Variants in CTNND2 observed in about 807,000 individuals in gnomAD.
The protein encoded by CTNND2 is catenin delta-2.
In CTNND2, 22 loss-of-function variants were observed where a neutral mutation model predicts 144.4. The observed-to-expected ratio is 0.15, with a 90% CI of 0.11 to 0.22. CTNND2 has a LOEUF of 0.22. Ranked by LOEUF, CTNND2 falls within the 10% of genes least tolerant of loss-of-function variation. The probability of loss-of-function intolerance (pLI) is 1.00; values close to 1 mark genes in which losing one functional copy is unlikely to be tolerated. For missense variants in CTNND2, 1,353 were observed against 1,618.8 expected (o/e 0.84, Z 2.82); for synonymous variants, 751 against 695.6 (o/e 1.08, Z -1.25).
chr5:11,345,549 A>G (rs968880187), intron 9 of CTNND2, among the ~76,000 whole-genome samples: 1 of 152,186 alleles, frequency 6.6e-6, no homozygotes, highest in Non-Finnish European at 1.5e-5. Context: ...ATTCCTTGAG[A>G]TGAATTTTAA....
chr5:11,392,919 T>C (rs1759758606), intron 6 of CTNND2, among the ~76,000 whole-genome samples: 1 of 152,184 alleles, frequency 6.6e-6, no homozygotes, highest in South Asian at 2.1e-4. Flanking sequence ...ATACTAGCTG[T>C]CTTTACCACC....
intron 2 of CTNND2, among the ~76,000 whole-genome samples, chr5:11,615,404 C>T (rs992396591): frequency 6.6e-6 from 1 of 152,102 alleles, no homozygotes; most frequent in Non-Finnish European, 1.5e-5. Context: ...TGAATTTATA[C>T]TTAAAAAATT....
intron 1 of CTNND2, among the ~76,000 whole-genome samples, chr5:11,770,816 G>A (rs1426252168): frequency 6.6e-6 from 1 of 152,134 alleles, no homozygotes; most frequent in Non-Finnish European, 1.5e-5. Flanking sequence ...ATGTGTGTGA[G>A]AGAGAGACAC....
At chr5:11,279,792 C>T (rs1158890258) in intron 9 of CTNND2, among the ~76,000 whole-genome samples, 1 of 152,112 alleles carries the variant, frequency 6.6e-6, no homozygotes, top group African/African-American at 2.4e-5. Context: ...GCAGACACAT[C>T]ACATGGTGAA....
chr5:11,768,603 C>T (rs182005932), intron 1 of CTNND2, among the ~76,000 whole-genome samples: 16 of 152,232 alleles, frequency 1.1e-4, no homozygotes, highest in Admixed American at 2.0e-4. Flanking sequence ...TATTAAATAG[C>T]CAAAACATCT....
At chr5:11,022,671 C>T (rs1742387296) in intron 17 of CTNND2, 98 bp downstream of exon 17, 2 of 873,290 alleles carry the variant, frequency 2.3e-6, no homozygotes, top group Middle Eastern at 3.4e-4. Context: ...CAAATGCTTT[C>T]CAGTGACAGT....
At chr5:11,365,554 T>C (rs1393913687) in intron 7 of CTNND2, among the ~76,000 whole-genome samples, 1 of 152,236 alleles carries the variant, frequency 6.6e-6, no homozygotes, top group Non-Finnish European at 1.5e-5. Flanking sequence ...GTTTAATGTA[T>C]AAATTGCGGC....
At chr5:10,990,871 C>T (rs1738598598) in intron 19 of CTNND2, among the ~76,000 whole-genome samples, 1 of 152,350 alleles carries the variant, frequency 6.6e-6, no homozygotes, top group African/African-American at 2.4e-5. Flanking sequence ...AAGGCTGCTT[C>T]TCTCTTCCAG....
At chr5:11,859,866 A>T in intron 1 of CTNND2, among the ~76,000 whole-genome samples, 1 of 151,994 alleles carries the variant, frequency 6.6e-6, no homozygotes, top group East Asian at 1.9e-4. Context: ...TGTATTCAGC[A>T]CTCTTTCCTT....
At chr5:11,542,748 A>T (rs529212712) in intron 3 of CTNND2, among the ~76,000 whole-genome samples, 110 of 152,340 alleles carry the variant, frequency 7.2e-4, no homozygotes, top group South Asian at 3.3e-3. Flanking sequence ...TTGTCTGTCA[A>T]TCAAAGCCTT....
At chr5:11,061,467 T>C (rs139582177) in intron 16 of CTNND2, among the ~76,000 whole-genome samples, 146 of 152,356 alleles carry the variant, frequency 9.6e-4, no homozygotes, top group African/African-American at 3.4e-3. Flanking sequence ...GTTTTCCAGC[T>C]ACAACAACAT....
At chr5:11,219,435 G>T (rs1395716201) in intron 10 of CTNND2, among the ~76,000 whole-genome samples, 1 of 152,132 alleles carries the variant, frequency 6.6e-6, no homozygotes, top group South Asian at 2.1e-4. Context: ...TTCTTCCAAG[G>T]TATTTAGGTT....
intron 3 of CTNND2, among the ~76,000 whole-genome samples, chr5:11,458,231 A>G (rs1042261847): frequency 1.3e-5 from 2 of 152,192 alleles, no homozygotes; most frequent in African/African-American, 2.4e-5. Flanking sequence ...GCTAAAATAT[A>G]TGACTGTGGA....
intron 8 of CTNND2, among the ~76,000 whole-genome samples, chr5:11,358,662 A>T (rs937421413): frequency 6.6e-6 from 1 of 152,246 alleles, no homozygotes; most frequent in African/African-American, 2.4e-5. Flanking sequence ...AACAGTAATA[A>T]GATTTTATGA....
chr5:11,569,548 T>C (rs896771875), intron 2 of CTNND2, among the ~76,000 whole-genome samples: 1 of 152,172 alleles, frequency 6.6e-6, no homozygotes, highest in African/African-American at 2.4e-5. Flanking sequence ...TAAAAGCATG[T>C]AAAGTCTCTT....
intron 1 of CTNND2, among the ~76,000 whole-genome samples, chr5:11,899,465 T>C (rs967690810): frequency 3.3e-5 from 5 of 152,206 alleles, no homozygotes; most frequent in Non-Finnish European, 7.4e-5. Flanking sequence ...CTTTAATATA[T>C]AAAGGGCTGG....
chr5:11,279,288 GT>G (rs1384466745), intron 9 of CTNND2, among the ~76,000 whole-genome samples: 1 of 152,094 alleles, frequency 6.6e-6, no homozygotes, highest in Non-Finnish European at 1.5e-5. Context: ...CTCCAAAACT[GT>G]CCCTCTCACC....
chr5:11,440,975 A>T (rs1212698829), intron 3 of CTNND2, among the ~76,000 whole-genome samples: 1 of 152,200 alleles, frequency 6.6e-6, no homozygotes, highest in African/African-American at 2.4e-5. Flanking sequence ...AGAGATATAA[A>T]CTATATAGAG....
intron 18 of CTNND2, among the ~76,000 whole-genome samples, chr5:10,995,997 G>A (rs1175408130): frequency 6.6e-6 from 1 of 152,208 alleles, no homozygotes; most frequent in Non-Finnish European, 1.5e-5. Flanking sequence ...GAGGAAGGAA[G>A]GGGACGGGGA....
Sources: allele counts gnomAD v4.1 joint callset (sites outside exome capture counted in the v4.1 genomes callset), GRCh38; gene constraint gnomAD v4.1.1; transcripts MANE v1.5; gene names NCBI Gene and HGNC (gene_info 2026-07-23, HGNC 2026-07-21).